Variants in DGKZ observed in about 807,000 individuals in gnomAD.
DGKZ encodes the protein diacylglycerol kinase zeta, also known as DAG kinase zeta.
Under a neutral mutation model 142.5 loss-of-function variants are expected in DGKZ, and 45 were observed. The ratio of observed to expected loss-of-function variants is 0.32; its 90% CI spans 0.25 to 0.40. The LOEUF is 0.40. Ranked by LOEUF, DGKZ falls within the 10% of genes least tolerant of loss-of-function variation. The pLI is 1.00. For missense variants in DGKZ, 755 were observed against 1,306.5 expected (o/e 0.58, Z 6.51); for synonymous variants, 442 against 527.0 (o/e 0.84, Z 2.21).
At position 46,372,590 on chromosome 11, in the gene DGKZ, C is replaced by T; in HGVS notation, c.1011-27C>T. On this transcript the variant is annotated intron_variant, in intron 11 of 30. Coordinates refer to ENST00000527911, the Ensembl canonical transcript of DGKZ. The surrounding 1 kb of genome is among the most constrained non-coding windows in gnomAD (Gnocchi z 5.9). ...TGGGGTACAGCACACATCCCCTGAC[C>T]CCACTGCCATCTTCCCATGAGCCCA... The T allele has an allele frequency of 6.2e-7, 1 of 1,613,872 alleles. No homozygotes were observed. The highest frequency in any genetic ancestry group is 8.5e-7 in the Non-Finnish European group (1 of 1,179,986).
chr11:46,347,264 C>A, upstream of DGKZ: 8 of 973,018 alleles, frequency 8.2e-6, no homozygotes, highest in Non-Finnish European at 9.8e-6. This position sits in a 1 kb window ranked among gnomAD's most constrained non-coding sequence, Gnocchi z 6.4. Flanking sequence ...GCGGGCCGGG[C>A]CGGGCTGGGG....
intron 1 of DGKZ, among the ~76,000 whole-genome samples, chr11:46,339,052 C>T (rs1940153255): frequency 6.6e-6 from 1 of 152,276 alleles, no homozygotes; most frequent in East Asian, 1.9e-4. Context: ...TGAGCATGCG[C>T]GCATGTCCCA....
intron 1 of DGKZ, chr11:46,365,685 G>A (rs1251365692): frequency 1.0e-6 from 1 of 985,278 alleles, no homozygotes; most frequent in East Asian, 1.1e-4. Context: ...CCTTTGCAGA[G>A]AGCCTCATTT....
chr11:46,371,491 A>C, exon 8 of DGKZ: 1 of 1,603,568 alleles, frequency 6.2e-7, no homozygotes, highest in Non-Finnish European at 8.5e-7. Context: ...CCTCAGTACC[A>C]CAGCAAGGTG....
At chr11:46,363,830 AG>A (rs1189011518) in intron 1 of DGKZ, among the ~76,000 whole-genome samples, 1 of 152,188 alleles carries the variant, frequency 6.6e-6, no homozygotes, top group African/African-American at 2.4e-5. Context: ...CCCTGACGGC[AG>A]GGGGCAGTTG....
chr11:46,375,386 GCC>G, intron 19 of DGKZ, 44 bp from the exon 20 acceptor site: 1 of 1,525,056 alleles, frequency 6.6e-7, no homozygotes. Context: ...GGACCCCCCT[GCC>G]CCCAGCCCTG....
intron 1 of DGKZ, among the ~76,000 whole-genome samples, chr11:46,335,444 C>A (rs1939969239): frequency 6.6e-6 from 1 of 152,134 alleles, no homozygotes; most frequent in South Asian, 2.1e-4. Context: ...CACACACACA[C>A]ACACACACAC....
At chr11:46,376,931 G>A (rs149254241) in intron 24 of DGKZ, 142 bp from the exon 25 acceptor site, 2 of 725,414 alleles carry the variant, frequency 2.8e-6, no homozygotes, top group Non-Finnish European at 4.7e-6. Flanking sequence ...GAGTGGGAGA[G>A]GGACAGGCAG....
intron 29 of DGKZ, 68 bp from the exon 30 acceptor site, chr11:46,379,401 G>T: frequency 6.3e-7 from 1 of 1,581,352 alleles, no homozygotes; most frequent in Non-Finnish European, 8.6e-7. Context: ...CTTTCTGATG[G>T]CCCTTGGGAG....
intron 24 of DGKZ, 99 bp downstream of exon 24, chr11:46,376,663 C>A: frequency 6.7e-7 from 1 of 1,484,992 alleles, no homozygotes; most frequent in Non-Finnish European, 9.3e-7. Flanking sequence ...ATGGGCTCAC[C>A]TCTGTCCTCA....
chr11:46,371,495 C>G, exon 8 of DGKZ: 1 of 1,604,156 alleles, frequency 6.2e-7, no homozygotes, highest in Non-Finnish European at 8.5e-7. Flanking sequence ...AGTACCACAG[C>G]AAGGTGTCCT....
chr11:46,355,781 T>C (rs1209693002), intron 1 of DGKZ, among the ~76,000 whole-genome samples: 1 of 152,126 alleles, frequency 6.6e-6, no homozygotes, highest in Non-Finnish European at 1.5e-5. Context: ...AGTTTTGCTC[T>C]TGTTGCCCAG....
intron 1 of DGKZ, among the ~76,000 whole-genome samples, chr11:46,340,598 C>G (rs1373103409): frequency 6.6e-6 from 1 of 152,200 alleles, no homozygotes; most frequent in Admixed American, 6.5e-5. Context: ...TCTCCAGCCC[C>G]TCCTCCAGGT....
intron 1 of DGKZ, among the ~76,000 whole-genome samples, chr11:46,342,264 T>C (rs1036691458): frequency 2.0e-5 from 3 of 152,158 alleles, no homozygotes; most frequent in Admixed American, 6.5e-5. Context: ...CTTCCAGCCG[T>C]GTCCTCCCCA....
intron 1 of DGKZ, chr11:46,366,594 T>C: frequency 1.2e-6 from 2 of 1,608,184 alleles, no homozygotes; most frequent in Non-Finnish European, 1.7e-6. Flanking sequence ...TTGACCGGGC[T>C]TGTGGGCATG....
intron 1 of DGKZ, chr11:46,333,610 C>A: frequency 1.1e-6 from 1 of 877,770 alleles, no homozygotes; most frequent in Non-Finnish European, 1.8e-6. Flanking sequence ...GAGATGACTG[C>A]CGAGGGATCT....
At chr11:46,351,968 GC>G (rs1941439319) in intron 1 of DGKZ, among the ~76,000 whole-genome samples, 1 of 152,220 alleles carries the variant, frequency 6.6e-6, no homozygotes, top group Non-Finnish European at 1.5e-5. Flanking sequence ...TGGCACAGGA[GC>G]TTGAGAGTTG....
intron 1 of DGKZ, among the ~76,000 whole-genome samples, chr11:46,336,833 A>C (rs1242807523): frequency 2.0e-5 from 3 of 152,156 alleles, no homozygotes; most frequent in Non-Finnish European, 4.4e-5. Context: ...GGTCACAAGC[A>C]TGACCCACTG....
upstream of DGKZ, among the ~76,000 whole-genome samples, chr11:46,344,510 G>T (rs1430882690): frequency 2.7e-5 from 4 of 148,266 alleles, no homozygotes; most frequent in African/African-American, 1.0e-4. Flanking sequence ...CTGGAGTGCA[G>T]TGGCGCGAAC....
Sources: gnomAD v4.1 joint callset for allele counts (sites outside exome capture counted in the v4.1 genomes callset) on GRCh38, gnomAD v4.1.1 for gene constraint, Gnocchi (gnomAD v3.1) non-coding constraint, MANE v1.5 for transcripts, NCBI Gene and HGNC (gene_info 2026-07-23, HGNC 2026-07-21) for gene names.